ETV6: variants seen among roughly 807,000 people sequenced by gnomAD.
ETV6 encodes ETS variant transcription factor 6.
ETV6 carries 16 observed loss-of-function variants against 51.1 expected under a neutral mutation model. The observed-to-expected ratio is 0.31, with a 90% CI of 0.21 to 0.48. The LOEUF (loss-of-function observed/expected upper bound fraction) is 0.48, where lower values mean the gene tolerates loss of function less well. Among genes scored for constraint, ETV6 ranks in the 20% least tolerant of loss-of-function variants. The probability of loss-of-function intolerance (pLI) is 0.99; values close to 1 mark genes in which losing one functional copy is unlikely to be tolerated. For missense variants in ETV6, 458 were observed against 594.8 expected (o/e 0.77, Z 2.39); for synonymous variants, 240 against 224.1 (o/e 1.07, Z -0.64).
At chr12:11,783,778 G>T (rs1377193765) in intron 2 of ETV6, among the ~76,000 whole-genome samples, 1 of 152,230 alleles carries the variant, frequency 6.6e-6, no homozygotes, top group Non-Finnish European at 1.5e-5. Flanking sequence ...ACAGTTGTTT[G>T]TATGGGGGCA....
chr12:11,743,162 G>T (rs565198817), intron 1 of ETV6, among the ~76,000 whole-genome samples: 1 of 152,196 alleles, frequency 6.6e-6, no homozygotes, highest in African/African-American at 2.4e-5. Flanking sequence ...ATTGTTATCC[G>T]AATCTCTCAC....
At chr12:11,870,130 C>T (rs528693118) in intron 5 of ETV6, among the ~76,000 whole-genome samples, 161 bp downstream of exon 5, 18 of 152,116 alleles carry the variant, frequency 1.2e-4, no homozygotes, top group African/African-American at 3.9e-4. Flanking sequence ...AGGCTAAATC[C>T]CTAATGGCTT....
chr12:11,854,778 GAAGGA>G (rs953851735), intron 4 of ETV6, among the ~76,000 whole-genome samples: 19 of 151,954 alleles, frequency 1.3e-4, no homozygotes, highest in Non-Finnish European at 2.2e-4. Flanking sequence ...AAAGTTGGAA[GAAGGA>G]AAGAAAAAAA....
intron 1 of ETV6, among the ~76,000 whole-genome samples, chr12:11,671,063 T>A (rs2908839): frequency 0.91 from 138,994 of 152,056 alleles, 64,427 homozygotes; most frequent in Non-Finnish European, 0.99. Context: ...TCTTTTTCCC[T>A]AGACAGGGAC....
chr12:11,748,887 T>TA (rs1386237340), intron 1 of ETV6, among the ~76,000 whole-genome samples: 2 of 151,670 alleles, frequency 1.3e-5, no homozygotes, highest in Non-Finnish European at 2.9e-5. Context: ...CATACTTCAT[T>TA]ATTTTTTTTA....
At chr12:11,761,484 G>A (rs1945085564) in intron 2 of ETV6, among the ~76,000 whole-genome samples, 1 of 152,194 alleles carries the variant, frequency 6.6e-6, no homozygotes, top group Admixed American at 6.5e-5. Context: ...CCTCACAGAT[G>A]GTTATTAAAC....
chr12:11,690,401 A>G (rs981528277), intron 1 of ETV6, among the ~76,000 whole-genome samples: 17 of 151,928 alleles, frequency 1.1e-4, no homozygotes, highest in African/African-American at 4.1e-4. Context: ...GAATGGGATT[A>G]GTCATAATCT....
At chr12:11,727,184 A>G (rs999590214) in intron 1 of ETV6, among the ~76,000 whole-genome samples, 1 of 152,194 alleles carries the variant, frequency 6.6e-6, no homozygotes, top group African/African-American at 2.4e-5. Context: ...GCCCTTGCAT[A>G]TCTATAAACA....
chr12:11,850,290 G>A (rs1301453241), intron 3 of ETV6, among the ~76,000 whole-genome samples: 1 of 152,164 alleles, frequency 6.6e-6, no homozygotes, highest in Non-Finnish European at 1.5e-5. Context: ...AGCCCATGCA[G>A]AAGCCTGGGA....
In ETV6 at chr12:11,869,502, G is replaced by A. The variant is rs150089916; in HGVS notation, c.542G>A (p.Arg181His). 4.3e-5 allele frequency: 69 copies of A among 1,613,964 alleles called. 1 individual carries two copies. The highest frequency in any genetic ancestry group is 9.9e-5 in the South Asian group (9 of 91,074). Reference sequence around the variant, plus strand: ...CCTCCCACCATTGAACTGTTGCACCGCTCCAGGTCACCTATCACGACAAAT... The same window carrying A: ...CCTCCCACCATTGAACTGTTGCACCACTCCAGGTCACCTATCACGACAAAT... The part of the protein sequence containing the change: ...HNPPTIELLH[R>H]SRSPITTNHR... Residue 181 changes from arginine (R) to histidine (H), a missense_variant, in exon 5 of 8, where the codon CGC becomes CAC. Physicochemically the swap from Arg to His is conservative, Grantham distance 29 (BLOSUM62 0). Around this residue, in one of 4 missense-constraint regions of ETV6, gnomAD observed 293 missense variants for 315.7 expected, o/e 0.93. Coordinates refer to ENST00000396373, the MANE Select transcript of ETV6 (RefSeq NM_001987.5). The surrounding 1 kb of genome is among the most constrained non-coding windows in gnomAD (Gnocchi z 5.0).
intron 4 of ETV6, among the ~76,000 whole-genome samples, chr12:11,858,968 C>T (rs1001426960): frequency 6.6e-6 from 1 of 151,944 alleles, no homozygotes; most frequent in Non-Finnish European, 1.5e-5. Flanking sequence ...CGATGGCCCA[C>T]AGAAGTTTTA....
intron 5 of ETV6, among the ~76,000 whole-genome samples, chr12:11,881,172 T>C (rs1242036450): frequency 6.6e-6 from 1 of 152,182 alleles, no homozygotes; most frequent in Non-Finnish European, 1.5e-5. Flanking sequence ...TCCCGGACTT[T>C]CAAGCAAGTC....
At chr12:11,789,593 G>A (rs1246588053) in intron 2 of ETV6, among the ~76,000 whole-genome samples, 1 of 152,118 alleles carries the variant, frequency 6.6e-6, no homozygotes, top group Non-Finnish European at 1.5e-5. Context: ...AAGGGTAGGG[G>A]GGAGGCAACT....
intron 1 of ETV6, among the ~76,000 whole-genome samples, chr12:11,718,451 A>G (rs944378983): frequency 1.3e-5 from 2 of 152,098 alleles, no homozygotes; most frequent in Middle Eastern, 3.2e-3. Flanking sequence ...ATTTCAAGAT[A>G]GCCACAGCAG....
At chr12:11,878,737 C>T (rs1457631895) in intron 5 of ETV6, among the ~76,000 whole-genome samples, 1 of 151,402 alleles carries the variant, frequency 6.6e-6, no homozygotes, top group African/African-American at 2.4e-5. Context: ...TGTAAACACA[C>T]CTCTGCGTAT....
chr12:11,759,488 G>T (rs1945051883), intron 2 of ETV6, among the ~76,000 whole-genome samples: 2 of 152,184 alleles, frequency 1.3e-5, no homozygotes, highest in African/African-American at 4.8e-5. Flanking sequence ...AACACTGAAA[G>T]GTTATAGCAG....
intron 1 of ETV6, among the ~76,000 whole-genome samples, chr12:11,651,896 C>T (rs942683847): frequency 1.3e-5 from 2 of 152,098 alleles, no homozygotes; most frequent in African/African-American, 4.8e-5. Context: ...ATACTGCATC[C>T]CCACCGTTTT....
chr12:11,851,235 C>CTT (rs34416101), intron 3 of ETV6, among the ~76,000 whole-genome samples: 40 of 147,552 alleles, frequency 2.7e-4, no homozygotes, highest in Middle Eastern at 3.5e-3. Flanking sequence ...ATTACTGGAC[C>CTT]TTTTTTTTTT....
intron 1 of ETV6, among the ~76,000 whole-genome samples, chr12:11,743,280 T>C (rs892480515): frequency 6.6e-6 from 1 of 152,256 alleles, no homozygotes; most frequent in Non-Finnish European, 1.5e-5. Flanking sequence ...TTTCCAGAGA[T>C]ATAAATCTTT....
Sources: allele counts gnomAD v4.1 joint callset (sites outside exome capture counted in the v4.1 genomes callset), GRCh38; gene constraint gnomAD v4.1.1; regional missense constraint gnomAD v4.1.1; non-coding constraint Gnocchi (gnomAD v3.1); transcripts MANE v1.5; gene names NCBI Gene and HGNC (gene_info 2026-07-23, HGNC 2026-07-21).